RNF212: variants seen among roughly 807,000 people sequenced by gnomAD.
RNF212 encodes the protein ring finger protein 212.
Under a neutral mutation model 34.7 loss-of-function variants are expected in RNF212, and 33 were observed. That is an observed-to-expected ratio of 0.95 (90% CI 0.72 to 1.27). The LOEUF is 1.27. RNF212 is among the 50% of genes most tolerant of loss of function. The pLI is 0.00. For synonymous variants in RNF212, 140 were observed against 136.1 expected (o/e 1.03, Z -0.20); for missense variants, 377 against 362.2 (o/e 1.04, Z -0.33).
At position 1,113,416 on chromosome 4, in the gene RNF212, T is replaced by G. The variant is rs1270511487; in HGVS notation, c.49A>C (p.Thr17Pro). The G allele has an allele frequency of 6.2e-7, 1 of 1,606,560 alleles. No homozygotes were observed. Among genetic ancestry groups the G allele is most frequent in the East Asian group, 2.3e-5 (1 of 44,160 alleles). Residue 17 changes from threonine to proline, a missense_variant, in exon 1 of 10, where the codon ACG becomes CCG. Physicochemically the swap from Thr to Pro is conservative, Grantham distance 38. Transcript: ENST00000433731. ...CAGTTGGTGAGGCTGAAGCACGACGTCCTGTGGGGCGGCTGGAAGCAGCGA... is the reference window on the plus strand; with the variant it reads ...CAGTTGGTGAGGCTGAAGCACGACGGCCTGTGGGGCGGCTGGAAGCAGCGA... ...CNRCFQPPHRTSCFSLTNCGH... is the reference protein window; with the variant it reads ...CNRCFQPPHRPSCFSLTNCGH...
chr4:1,062,641 G>A (rs979900916), intron 3 of RNF212, among the ~76,000 whole-genome samples: 4 of 152,206 alleles, frequency 2.6e-5, no homozygotes, highest in African/African-American at 9.7e-5. Flanking sequence ...TGTATTGAAA[G>A]TTCCAGAGAG....
intron 2 of RNF212, among the ~76,000 whole-genome samples, chr4:1,097,772 C>T (rs114174358): frequency 0.017 from 2,661 of 152,120 alleles, 38 homozygotes; most frequent in Non-Finnish European, 0.029. Flanking sequence ...GAGCTAGAAT[C>T]GCTTGAGCAG....
intron 2 of RNF212, among the ~76,000 whole-genome samples, chr4:1,105,271 A>G (rs1724628416): frequency 6.7e-6 from 1 of 149,010 alleles, no homozygotes; most frequent in East Asian, 2.0e-4. Context: ...GGGGGAGCAC[A>G]GCTGCTGCTC....
rs775848912 is a variant in RNF212, at chr4:1,108,398, T to G, written c.116A>C (p.Lys39Thr). Residue 39 changes from lysine (K) to threonine (T), a missense_variant, in exon 2 of 10, where the codon AAG (lysine) becomes ACG (threonine). Transcript: ENST00000433731. Reference sequence around the variant, plus strand: ...AGCTTTACAAATCAAGCATTCATTCTTTTTACCTATAAAATAAAAATAGGC... The same window carrying G: ...AGCTTTACAAATCAAGCATTCATTCGTTTTACCTATAAAATAAAAATAGGC... Reference protein sequence around the residue: ...YCDACLGKGKKNECLICKAPC... With the variant: ...YCDACLGKGKTNECLICKAPC... 2.7e-6 allele frequency: 4 copies of G among 1,488,470 alleles called. No individual in the cohort carries two copies. The African/African-American group carries it at 4.4e-5, about 16-fold the overall frequency. The allele number at this position is 1,488,470 out of a possible 1,614,324, so 92.2% of individuals were successfully genotyped here. A position where few individuals can be genotyped will look rare whatever the true frequency, so the allele number is the denominator to read the frequency against.
rs935325936 is a variant in RNF212, at chr4:1,084,984, C to G, written c.362+912G>C. Among the ~76,000 whole-genome samples the G allele has an allele frequency of 2.5e-4, 38 of 152,356 alleles. 2 individuals carry two copies. The highest frequency in any genetic ancestry group is 1.2e-4 in the Non-Finnish European group (8 of 68,032). On this transcript the variant is annotated intron_variant, in intron 5 of 9. Coordinates refer to ENST00000433731, the MANE Select transcript of RNF212 (RefSeq NM_001131034.4). ...CCAGCTTCCCACAGGCCCCACGGCC[C>G]CAGTGAGGCCATGCCATGCTCAGCT...
intron 7 of RNF212, among the ~76,000 whole-genome samples, chr4:1,080,299 C>T (rs771911591): frequency 6.6e-6 from 1 of 152,152 alleles, no homozygotes; most frequent in Admixed American, 6.5e-5. Context: ...ATTAGTCCAG[C>T]CTGGCTGGAG....
intron 5 of RNF212, among the ~76,000 whole-genome samples, chr4:1,082,297 G>C (rs944147760): frequency 6.6e-6 from 1 of 152,186 alleles, no homozygotes; most frequent in Non-Finnish European, 1.5e-5. Flanking sequence ...TGTGACTCCC[G>C]GCCACAGAAG....
intron 3 of RNF212, among the ~76,000 whole-genome samples, chr4:1,060,971 C>T (rs957198395): frequency 5.3e-5 from 8 of 152,206 alleles, no homozygotes; most frequent in Admixed American, 3.9e-4. Flanking sequence ...GTTATCTCTA[C>T]GAAGCCAAGT....
chr4:1,098,812 G>A (rs1723463078), intron 2 of RNF212, among the ~76,000 whole-genome samples: 1 of 152,188 alleles, frequency 6.6e-6, no homozygotes, highest in Non-Finnish European at 1.5e-5. Flanking sequence ...CCCCAGCAGA[G>A]CGTGGCCCAT....
chr4:1,062,255 C>T (rs1261521801), intron 3 of RNF212, among the ~76,000 whole-genome samples: 1 of 152,148 alleles, frequency 6.6e-6, no homozygotes, highest in Admixed American at 6.5e-5. Context: ...CAAACAAAAT[C>T]CAGCAGCGTA....
At chr4:1,098,461 G>A (rs777719864) in intron 2 of RNF212, among the ~76,000 whole-genome samples, 2 of 152,222 alleles carry the variant, frequency 1.3e-5, no homozygotes, top group Non-Finnish European at 2.9e-5. Flanking sequence ...CAGAGGCAGA[G>A]GCCAAGCAGA....
chr4:1,060,468 C>A (rs13108222), intron 3 of RNF212, among the ~76,000 whole-genome samples: 123,362 of 152,078 alleles, frequency 0.81, 50,748 homozygotes, highest in African/African-American at 0.94. Flanking sequence ...TCGAGAGCAC[C>A]GCAGCCCTGA....
intron 3 of RNF212, among the ~76,000 whole-genome samples, chr4:1,065,587 C>T (rs143009328): frequency 1.8e-4 from 27 of 151,968 alleles, no homozygotes; most frequent in African/African-American, 6.3e-4. Flanking sequence ...CCCACCTCAG[C>T]ATCCTGAGAA....
At chr4:1,087,513 C>T in intron 4 of RNF212, among the ~76,000 whole-genome samples, 1 of 30,286 alleles carries the variant, frequency 3.3e-5, no homozygotes, top group East Asian at 6.6e-4. Context: ...TGGGGGGTGA[C>T]AGGATGAGGT....
intron 2 of RNF212, 134 bp from the exon 3 acceptor site, chr4:1,096,973 CAG>C (rs997435877): frequency 2.8e-5 from 20 of 716,384 alleles, no homozygotes; most frequent in Non-Finnish European, 7.5e-6. Context: ...AATGGCCTCT[CAG>C]GGGCCCTGCC....
In RNF212 at chr4:1,072,019, A is replaced by C. The variant is rs1202813345; in HGVS notation, c.*855T>G. On this transcript the variant is annotated 3_prime_UTR_variant, in exon 10 of 10. Coordinates refer to ENST00000433731, the MANE Select transcript of RNF212 (RefSeq NM_001131034.4). ...TTGCCAAAACTTGGAAGCAACCAAGATGCCCTTCAGTAGGTGAATGGATGA... is the reference window on the plus strand; with the variant it reads ...TTGCCAAAACTTGGAAGCAACCAAGCTGCCCTTCAGTAGGTGAATGGATGA... 1 of 152,278 alleles carries C rather than the reference A, an allele frequency of 6.6e-6. No homozygotes were observed. The highest frequency in any genetic ancestry group is 1.5e-5 in the Non-Finnish European group (1 of 68,050). 9.4% of individuals were successfully genotyped at this position (152,278 alleles called of 1,614,324 possible). A position where few individuals can be genotyped will look rare whatever the true frequency, so the allele number is the denominator to read the frequency against.
intron 2 of RNF212, among the ~76,000 whole-genome samples, chr4:1,101,842 A>C (rs993585531): frequency 6.6e-6 from 1 of 152,186 alleles, no homozygotes; most frequent in Non-Finnish European, 1.5e-5. Context: ...CTTGACCTAA[A>C]TGTTGGTTAC....
At chr4:1,073,713 C>T (rs755703150) in intron 8 of RNF212, 51 bp from the exon 9 acceptor site, 74 of 1,270,578 alleles carry the variant, frequency 5.8e-5, no homozygotes, top group South Asian at 4.8e-5. Flanking sequence ...TTGCGGCTTA[C>T]GAGATTCGGA....
At position 1,109,010 on chromosome 4, in the gene RNF212, C is replaced by CTT. The variant is rs71168810; in HGVS notation, c.110-608_110-607dup. ...GCCACTGTGCCTGGCCATAATTAGC[C>CTT]TTTTTTTTTTTTTTTGAGACAGAGT... On this transcript the variant is annotated intron_variant, in intron 1 of 9. Coordinates refer to ENST00000433731, the MANE Select transcript of RNF212 (RefSeq NM_001131034.4). 6.3e-3 allele frequency among the ~76,000 whole-genome samples: 861 copies of CTT among 135,790 alleles called. 19 individuals are homozygous for CTT. Among genetic ancestry groups the CTT allele is most frequent in the South Asian group, 0.014 (60 of 4,230 alleles). The allele number at this position is 135,790 out of a possible 152,430, so 89.1% of individuals were successfully genotyped here.
Sources: gnomAD v4.1 joint callset for allele counts (sites outside exome capture counted in the v4.1 genomes callset) on GRCh38, gnomAD v4.1.1 for gene constraint, MANE v1.5 for transcripts, NCBI Gene and HGNC (gene_info 2026-07-23, HGNC 2026-07-21) for gene names.